The following SH3RF2 variants were observed in gnomAD, a reference collection of about 807,000 sequenced individuals.
SH3RF2 encodes SH3 domain containing ring finger 2.
Under a neutral mutation model 59.0 loss-of-function variants are expected in SH3RF2, and 43 were observed. The ratio of observed to expected loss-of-function variants is 0.73; its 90% CI spans 0.57 to 0.94. The LOEUF (loss-of-function observed/expected upper bound fraction) is 0.94. Among genes scored for constraint, SH3RF2 ranks in the 40% least tolerant of loss-of-function variants. The probability of loss-of-function intolerance (pLI) is 0.00; values close to 1 mark genes in which losing one functional copy is unlikely to be tolerated. For synonymous variants in SH3RF2, 391 were observed against 391.5 expected (o/e 1.00, Z 0.01); for missense variants, 930 against 940.1 (o/e 0.99, Z 0.14).
intron 2 of SH3RF2, among the ~76,000 whole-genome samples, chr5:145,978,888 G>A (rs1489017358): frequency 1.3e-5 from 2 of 152,050 alleles, no homozygotes; most frequent in African/African-American, 4.8e-5. Flanking sequence ...TGCTGTGTGT[G>A]GGGAGAGGCC....
intron 2 of SH3RF2, among the ~76,000 whole-genome samples, chr5:145,963,743 T>C (rs749248810): frequency 6.6e-6 from 1 of 152,134 alleles, no homozygotes; most frequent in Non-Finnish European, 1.5e-5. Flanking sequence ...TCAGGTAACT[T>C]TCTGCAACCC....
At chr5:146,059,028 T>A (rs906827714) in intron 8 of SH3RF2, among the ~76,000 whole-genome samples, 2 of 152,186 alleles carry the variant, frequency 1.3e-5, no homozygotes, top group Admixed American at 6.5e-5. Context: ...ACTATCCTGA[T>A]ACTTTGCACA....
chr5:146,016,953 G>T (rs1761127946), intron 5 of SH3RF2, among the ~76,000 whole-genome samples: 1 of 152,170 alleles, frequency 6.6e-6, no homozygotes, highest in Non-Finnish European at 1.5e-5. Flanking sequence ...CCAAGAATAA[G>T]CTGCTGCCTC....
intron 7 of SH3RF2, among the ~76,000 whole-genome samples, chr5:146,050,716 G>A (rs1762465189): frequency 6.6e-6 from 1 of 152,182 alleles, no homozygotes; most frequent in African/African-American, 2.4e-5. Context: ...TAGTGGGAGA[G>A]ACAAATTTTT....
Position 146,062,803 on chromosome 5 carries a change from G to T in SH3RF2, c.*102G>T, listed in dbSNP as rs1762950458. The T allele has an allele frequency of 1.4e-6, 2 of 1,466,072 alleles. No individual in the cohort carries two copies. The highest frequency in any genetic ancestry group is 1.8e-6 in the Non-Finnish European group (2 of 1,095,210). The allele number at this position is 1,466,072 out of a possible 1,614,324, so 90.8% of individuals were successfully genotyped here. A position where few individuals can be genotyped will look rare whatever the true frequency, so the allele number is the denominator to read the frequency against. Reference sequence around the variant, plus strand: ...TGCCATTCTTTGGGGACTTGAGCATGGGTCCTTGTTCTTCCTATTTCACCT... The same window carrying T: ...TGCCATTCTTTGGGGACTTGAGCATTGGTCCTTGTTCTTCCTATTTCACCT... On this transcript the variant is annotated 3_prime_UTR_variant, in exon 10 of 10. Coordinates refer to ENST00000359120, the MANE Select transcript of SH3RF2 (RefSeq NM_152550.4).
intron 2 of SH3RF2, among the ~76,000 whole-genome samples, chr5:145,965,651 G>A (rs1758830721): frequency 6.6e-6 from 1 of 152,160 alleles, no homozygotes; most frequent in Non-Finnish European, 1.5e-5. Flanking sequence ...CTCACTACTT[G>A]AAGCATCATT....
rs1422898885 is a variant in SH3RF2, at chr5:146,010,348, T to C, written c.745-3399T>C. ...GTGCCACAATAAACATACGTGTGCA[T>C]GTGTCTTCATAGCAGCATGATTTAT... On this transcript the variant is annotated intron_variant, in intron 4 of 9. Transcript: ENST00000359120. Among the ~76,000 whole-genome samples the C allele has an allele frequency of 9.8e-5, 15 of 152,348 alleles. 3 individuals are homozygous for C. Among genetic ancestry groups the C allele is most frequent in the African/African-American group, 3.6e-4 (15 of 41,590 alleles).
intron 2 of SH3RF2, among the ~76,000 whole-genome samples, chr5:145,944,394 T>G (rs1039888826): frequency 1.3e-5 from 2 of 149,974 alleles, no homozygotes; most frequent in East Asian, 1.9e-4. Flanking sequence ...TCCGTCACAG[T>G]GCAGTGCAGT....
intron 6 of SH3RF2, among the ~76,000 whole-genome samples, chr5:146,048,314 CAA>C (rs34925445): frequency 1.0e-4 from 14 of 138,548 alleles, no homozygotes; most frequent in African/African-American, 8.1e-5. Context: ...GACCCTGTCT[CAA>C]AAAAAAAAAA....
At chr5:145,958,908 C>G (rs1758518676) in intron 2 of SH3RF2, among the ~76,000 whole-genome samples, 2 of 152,210 alleles carry the variant, frequency 1.3e-5, no homozygotes, top group South Asian at 4.1e-4. Flanking sequence ...GTTTAGGGCA[C>G]TTTCAGACCT....
chr5:145,942,736 C>T (rs1408747580), intron 2 of SH3RF2, among the ~76,000 whole-genome samples: 1 of 152,196 alleles, frequency 6.6e-6, no homozygotes, highest in Non-Finnish European at 1.5e-5. Context: ...AGTCAAGAGA[C>T]CCAGATGGTT....
At chr5:146,046,541 G>A (rs1419840363) in intron 5 of SH3RF2, among the ~76,000 whole-genome samples, 1 of 152,136 alleles carries the variant, frequency 6.6e-6, no homozygotes, top group African/African-American at 2.4e-5. Context: ...GTACTAGGTA[G>A]GAAGACCTTT....
intron 2 of SH3RF2, among the ~76,000 whole-genome samples, chr5:145,964,211 TC>T (rs1445421530): frequency 1.3e-5 from 2 of 150,886 alleles, no homozygotes; most frequent in Non-Finnish European, 3.0e-5. Flanking sequence ...CTTCCTTCCT[TC>T]CTCCCTTCCT....
downstream of SH3RF2, among the ~76,000 whole-genome samples, chr5:146,064,683 AAAGAAAGAAAGAAAGAAAGAAAGAAAG>A (rs1465616796): frequency 8.5e-4 from 3 of 3,520 alleles, no homozygotes; most frequent in Non-Finnish European, 2.2e-3. Flanking sequence ...AGAAAGAAAG[AAAGAAAGAAAGAAAGAAAGAAAGAAAG>A]AAAGAAAGAA....
At chr5:146,055,945 A>G (rs754575491) in intron 7 of SH3RF2, 36 bp from the exon 8 acceptor site, 20 of 1,596,656 alleles carry the variant, frequency 1.3e-5, no homozygotes, top group Non-Finnish European at 1.4e-5. Context: ...TTCTTTCTCT[A>G]TTTCTTCTCT....
chr5:146,044,132 C>T (rs905531684), intron 5 of SH3RF2, among the ~76,000 whole-genome samples: 14 of 151,150 alleles, frequency 9.3e-5, no homozygotes, highest in African/African-American at 1.7e-4. Context: ...ATGATTGGTC[C>T]GTTTTTGTTT....
At chr5:145,985,354 C>T (rs926724520) in intron 2 of SH3RF2, among the ~76,000 whole-genome samples, 1 of 152,190 alleles carries the variant, frequency 6.6e-6, no homozygotes, top group African/African-American at 2.4e-5. Context: ...AAGTAAACCA[C>T]TTGAAATCAA....
intron 2 of SH3RF2, among the ~76,000 whole-genome samples, chr5:145,977,171 G>T (rs1759326092): frequency 6.6e-6 from 1 of 152,186 alleles, no homozygotes; most frequent in African/African-American, 2.4e-5. Flanking sequence ...CCTAGTCCAG[G>T]GCTCTTTTTC....
intron 2 of SH3RF2, among the ~76,000 whole-genome samples, chr5:145,973,623 T>C (rs1296379307): frequency 6.6e-6 from 1 of 152,254 alleles, no homozygotes; most frequent in African/African-American, 2.4e-5. Context: ...AGCTTCCCTA[T>C]GTCTTTCTCC....
Sources: gnomAD v4.1 joint callset for allele counts (sites outside exome capture counted in the v4.1 genomes callset) on GRCh38, gnomAD v4.1.1 for gene constraint, MANE v1.5 for transcripts, NCBI Gene and HGNC (gene_info 2026-07-23, HGNC 2026-07-21) for gene names.